The following NPY2R variants were observed in gnomAD, a reference collection of about 807,000 sequenced individuals.
The protein encoded by NPY2R is neuropeptide Y receptor type 2.
A neutral mutation model predicts 22.3 loss-of-function variants in NPY2R; 17 were observed. That is an observed-to-expected ratio of 0.76 (90% CI 0.52 to 1.14). NPY2R has a LOEUF of 1.14. Ranked by LOEUF, NPY2R falls within the 50% of genes most tolerant of loss-of-function variation. The pLI, the probability that NPY2R is intolerant of heterozygous loss-of-function variation, is 0.00. For missense variants in NPY2R, 424 were observed against 467.9 expected (o/e 0.91, Z 0.87); for synonymous variants, 209 against 183.4 (o/e 1.14, Z -1.13).
At chr4:155,182,300 T>C in the NPY2R span, among the ~76,000 whole-genome samples, 1 of 152,214 alleles carries the variant, frequency 6.6e-6, no homozygotes, top group African/African-American at 2.4e-5. Context: ...TATATATATT[T>C]ATCCTTTTCA....
chr4:155,178,598 G>A, the NPY2R span, among the ~76,000 whole-genome samples: 1 of 152,100 alleles, frequency 6.6e-6, no homozygotes, highest in Non-Finnish European at 1.5e-5. Flanking sequence ...GGTTGAAATA[G>A]GCAACTATAT....
chr4:155,190,113 A>T, the NPY2R span, among the ~76,000 whole-genome samples: 1 of 152,164 alleles, frequency 6.6e-6, no homozygotes, highest in East Asian at 1.9e-4. Context: ...TGTTTTTAAA[A>T]CCAATGCAAT....
the NPY2R span, among the ~76,000 whole-genome samples, chr4:155,203,630 A>G: frequency 6.6e-6 from 1 of 152,184 alleles, no homozygotes; most frequent in Non-Finnish European, 1.5e-5. Flanking sequence ...AAATATCCAT[A>G]TGACCTATTG....
chr4:155,204,286 C>T (rs1046462332), upstream of NPY2R, among the ~76,000 whole-genome samples: 1 of 151,818 alleles, frequency 6.6e-6, no homozygotes, highest in Non-Finnish European at 1.5e-5. Flanking sequence ...TTCTCTTGTG[C>T]TTTTTTTTCC....
At chr4:155,174,855 T>G in the NPY2R span, among the ~76,000 whole-genome samples, 4 of 152,042 alleles carry the variant, frequency 2.6e-5, no homozygotes, top group Non-Finnish European at 4.4e-5. Context: ...AACATGAAAA[T>G]TATTACACAA....
the NPY2R span, among the ~76,000 whole-genome samples, chr4:155,189,072 C>A: frequency 6.6e-6 from 1 of 152,038 alleles, no homozygotes; most frequent in Non-Finnish European, 1.5e-5. Context: ...TTACGATATG[C>A]CTTATTTGTG....
the NPY2R span, among the ~76,000 whole-genome samples, chr4:155,184,534 C>T: frequency 6.6e-6 from 1 of 152,080 alleles, no homozygotes; most frequent in Non-Finnish European, 1.5e-5. Context: ...TTTCTCTGTC[C>T]TAGAGATCCT....
the NPY2R span, among the ~76,000 whole-genome samples, chr4:155,190,616 G>C: frequency 1.3e-5 from 2 of 151,916 alleles, no homozygotes; most frequent in Non-Finnish European, 2.9e-5. Flanking sequence ...TATAATTTCT[G>C]TACAAAATAG....
chr4:155,205,138 T>A (rs1318817158), upstream of NPY2R, among the ~76,000 whole-genome samples: 1 of 152,282 alleles, frequency 6.6e-6, no homozygotes, highest in East Asian at 1.9e-4. Flanking sequence ...CTCAATAAAA[T>A]TTAAAATTTC....
chr4:155,202,442 A>G, the NPY2R span, among the ~76,000 whole-genome samples: 108,514 of 152,074 alleles, frequency 0.71, 40,339 homozygotes, highest in East Asian at 0.94. Flanking sequence ...AGGTCTGTGT[A>G]CAATTCATCT....
the NPY2R span, among the ~76,000 whole-genome samples, chr4:155,189,437 A>T: frequency 6.6e-6 from 1 of 151,958 alleles, no homozygotes; most frequent in Non-Finnish European, 1.5e-5. Context: ...TATCTGGTAG[A>T]TACAAATAAA....
chr4:155,191,073 TAC>T, the NPY2R span, among the ~76,000 whole-genome samples: 2 of 151,462 alleles, frequency 1.3e-5, no homozygotes, highest in Admixed American at 1.3e-4. Flanking sequence ...ACTAGATGAC[TAC>T]ATGTTCAATT....
chr4:155,180,480 C>G, the NPY2R span, among the ~76,000 whole-genome samples: 1 of 151,998 alleles, frequency 6.6e-6, no homozygotes, highest in African/African-American at 2.4e-5. Context: ...TTTACATATT[C>G]TTTCATTATT....
chr4:155,213,648 A>G (rs1314310148), intron 1 of NPY2R, among the ~76,000 whole-genome samples: 3 of 152,226 alleles, frequency 2.0e-5, no homozygotes, highest in African/African-American at 7.2e-5. Context: ...ATTATACTTT[A>G]CCGTCATAGC....
At chr4:155,187,693 A>G in the NPY2R span, among the ~76,000 whole-genome samples, 1 of 152,146 alleles carries the variant, frequency 6.6e-6, no homozygotes. Context: ...GGTTCATACA[A>G]ATATAAACAG....
chr4:155,198,397 C>T, the NPY2R span, among the ~76,000 whole-genome samples: 244 of 148,584 alleles, frequency 1.6e-3, 1 homozygote, highest in Non-Finnish European at 2.7e-3. Flanking sequence ...GTAAATTTCA[C>T]AATTAATTAT....
Position 155,214,953 on chromosome 4 carries a change from G to C in NPY2R, c.1014G>C (p.Ser338=), listed in dbSNP as rs762321154. Residue 338 remains serine, a synonymous_variant, in exon 2 of 2, where the codon TCG becomes TCC. Transcript: ENST00000329476. The part of the protein sequence containing the change: ...MNSNYRKAFL[S]AFRCEQRLDA... ...GCAACTACAGAAAGGCTTTCCTCTC[G>C]GCCTTCCGCTGTGAGCAGCGGTTGG... The C allele has an allele frequency of 6.2e-7, 1 of 1,614,060 alleles. No homozygotes were observed. The highest frequency in any genetic ancestry group is 1.3e-5 in the African/African-American group (1 of 74,918).
the NPY2R span, among the ~76,000 whole-genome samples, chr4:155,189,148 A>G: frequency 6.6e-6 from 1 of 152,026 alleles, no homozygotes; most frequent in Non-Finnish European, 1.5e-5. Context: ...GAATGTTCTT[A>G]CTAAATCTCA....
rs1729493151 is a variant in NPY2R, at chr4:155,215,300, G to C, written c.*215G>C. On this transcript the variant is annotated 3_prime_UTR_variant, in exon 2 of 2. Transcript: ENST00000329476. ...AGGCAACAAAATGGTTTACTTAACA[G>C]TTGGTTGGGTAGTAGGTTGCATTAT... 2 of 640,576 alleles carry C rather than the reference G, an allele frequency of 3.1e-6. No homozygotes were observed. The highest frequency in any genetic ancestry group is 5.7e-6 in the Non-Finnish European group (2 of 350,150). The allele number at this position is 640,576 out of a possible 1,614,324, so 39.7% of individuals were successfully genotyped here. A position where few individuals can be genotyped will look rare whatever the true frequency, so the allele number is the denominator to read the frequency against.
Sources: gnomAD v4.1 joint callset for allele counts (sites outside exome capture counted in the v4.1 genomes callset) on GRCh38, gnomAD v4.1.1 for gene constraint, MANE v1.5 for transcripts, NCBI Gene and HGNC (gene_info 2026-07-23, HGNC 2026-07-21) for gene names.